The following EML4 variants were observed in gnomAD, a reference collection of about 807,000 sequenced individuals.
EML4 encodes EMAP like 4.
Under a neutral mutation model 129.0 loss-of-function variants are expected in EML4, and 72 were observed. That is an observed-to-expected ratio of 0.56 (90% CI 0.46 to 0.68). EML4 has a LOEUF of 0.68. Among genes scored for constraint, EML4 ranks in the 30% least tolerant of loss-of-function variants. The pLI is 0.00. For missense variants in EML4, 1,363 were observed against 1,190.6 expected (o/e 1.14, Z -2.13); for synonymous variants, 532 against 405.0 (o/e 1.31, Z -3.77).
chr2:42,230,121 A>G (rs1173067503), intron 1 of EML4, among the ~76,000 whole-genome samples: 2 of 152,170 alleles, frequency 1.3e-5, no homozygotes, highest in African/African-American at 2.4e-5. Flanking sequence ...CACCAAACTA[A>G]TAAGTGTCTT....
chr2:42,323,953 AAAAAG>A (rs909851466), intron 19 of EML4, among the ~76,000 whole-genome samples: 21 of 150,258 alleles, frequency 1.4e-4, no homozygotes, highest in Middle Eastern at 3.4e-3. Context: ...CAATTAAAAA[AAAAAG>A]AAAAGAAAAA....
chr2:42,304,686 G>T, intron 17 of EML4, 135 bp downstream of exon 17: 1 of 696,702 alleles, frequency 1.4e-6, no homozygotes, highest in South Asian at 1.8e-5. Context: ...TATCCGTTTT[G>T]TATATTCATA....
At chr2:42,281,428 A>G (rs1667003247) in intron 7 of EML4, among the ~76,000 whole-genome samples, 1 of 151,830 alleles carries the variant, frequency 6.6e-6, no homozygotes. Context: ...CATTATCTCT[A>G]ATTCTTTGCT....
chr2:42,284,234 A>G (rs1335034262), intron 8 of EML4, among the ~76,000 whole-genome samples: 1 of 152,228 alleles, frequency 6.6e-6, no homozygotes, highest in Non-Finnish European at 1.5e-5. Context: ...ATGTATGAGG[A>G]TTATGTAGCA....
Position 42,257,005 on chromosome 2 carries a change from C to T in EML4, c.338+375C>T, listed in dbSNP as rs1408086894. ...ATTTTTAAAGGCAAAACAGAATCTT[C>T]GATATATCTATGTTAGTGGGAGGTC... On this transcript the variant is annotated intron_variant, in intron 3 of 22. Transcript: ENST00000318522. Among the ~76,000 whole-genome samples the T allele has an allele frequency of 5.3e-5, 8 of 152,112 alleles. No homozygotes were observed. The South Asian group carries it at 6.2e-4, about 12-fold the overall frequency.
intron 1 of EML4, among the ~76,000 whole-genome samples, chr2:42,198,855 C>G (rs528100306): frequency 6.6e-6 from 1 of 152,330 alleles, no homozygotes; most frequent in South Asian, 2.1e-4. Flanking sequence ...GTGTCTCTCT[C>G]TGCAGTACCC....
At chr2:42,282,504 C>T (rs757773982) in intron 7 of EML4, among the ~76,000 whole-genome samples, 8 of 152,066 alleles carry the variant, frequency 5.3e-5, no homozygotes, top group Non-Finnish European at 1.2e-4. Context: ...AGTGATTCTC[C>T]CACCTCAGAC....
At chr2:42,181,257 G>A (rs1160710365) in intron 1 of EML4, among the ~76,000 whole-genome samples, 1 of 151,940 alleles carries the variant, frequency 6.6e-6, no homozygotes, top group Non-Finnish European at 1.5e-5. Flanking sequence ...TCAGTTTATT[G>A]GTTTATATCT....
intron 1 of EML4, among the ~76,000 whole-genome samples, chr2:42,229,989 C>T (rs552281013): frequency 7.7e-4 from 117 of 151,830 alleles, no homozygotes; most frequent in Non-Finnish European, 1.4e-3. Flanking sequence ...AGAGAGATAC[C>T]GATCTTTTCT....
At chr2:42,211,684 A>G (rs1460143677) in intron 1 of EML4, among the ~76,000 whole-genome samples, 1 of 152,114 alleles carries the variant, frequency 6.6e-6, no homozygotes, top group Admixed American at 6.5e-5. Flanking sequence ...AAACAGTGAC[A>G]TTTAAGTTGG....
chr2:42,303,249 C>T lies in EML4; in HGVS notation c.1767+20C>T, dbSNP rs776329244. The T allele has an allele frequency of 2.4e-5, 39 of 1,613,870 alleles. 1 individual carries two copies. The South Asian group carries it at 3.2e-4, about 13-fold the overall frequency. ...GTACAGGTAAGCTGTGTGATATTAA[C>T]CGTTAACTGAATATTTTTTATGATA... On this transcript the variant is annotated intron_variant, in intron 15 of 22. Coordinates refer to ENST00000318522, the MANE Select transcript of EML4 (RefSeq NM_019063.5).
intron 1 of EML4, among the ~76,000 whole-genome samples, chr2:42,229,528 TAA>T (rs1674187243): frequency 6.6e-6 from 1 of 152,068 alleles, no homozygotes; most frequent in Non-Finnish European, 1.5e-5. Flanking sequence ...GCAAGACAGA[TAA>T]CTGTCTTGCA....
chr2:42,328,948 A>G lies in EML4; in HGVS notation c.2404A>G (p.Lys802Glu), dbSNP rs762332423. The G allele has an allele frequency of 6.9e-5, 112 of 1,613,430 alleles. No individual in the cohort carries two copies. The highest frequency in any genetic ancestry group is 8.4e-5 in the Non-Finnish European group (99 of 1,179,784). ...INALVRSHNR[K>E]VIAVADDFCK... The stretch of plus-strand genomic sequence containing the variant: ...TGCACTGGTGCGATCCCACAATAGA[A>G]AGGTGATAGCTGTTGCCGATGACTT... The change falls in exon 22 of 23, where the codon AAG becomes GAG. Residue 802 changes from lysine (K) to glutamate (E), a missense_variant. Lys to Glu is a moderately conservative substitution (Grantham distance 56). Coordinates refer to ENST00000318522, the MANE Select transcript of EML4 (RefSeq NM_019063.5).
intron 19 of EML4, 134 bp from the exon 20 acceptor site, chr2:42,325,333 G>A (rs189111048): frequency 6.5e-6 from 4 of 619,152 alleles, no homozygotes; most frequent in African/African-American, 3.6e-5. Context: ...CTCAGTTTTA[G>A]AGGGTGTGAC....
chr2:42,296,575 A>C (rs941541741), intron 13 of EML4, among the ~76,000 whole-genome samples: 1 of 152,120 alleles, frequency 6.6e-6, no homozygotes. Flanking sequence ...GTGCTCAGAA[A>C]GACCCGATTT....
chr2:42,175,601 C>T (rs1175367757), intron 1 of EML4, among the ~76,000 whole-genome samples: 4 of 151,650 alleles, frequency 2.6e-5, no homozygotes, highest in Admixed American at 1.3e-4. Flanking sequence ...TGGATTCAAG[C>T]GATTCTTGTG....
At chr2:42,275,920 G>A (rs1336312097) in intron 6 of EML4, among the ~76,000 whole-genome samples, 2 of 152,074 alleles carry the variant, frequency 1.3e-5, no homozygotes, top group African/African-American at 4.8e-5. Context: ...ATTCTGCTTT[G>A]ATCAGTCCCA....
rs1238395900 is a variant in EML4 at position 42,263,429 on chromosome 2, A to G, written c.641+123A>G. 4 of 887,954 alleles carry G rather than the reference A, an allele frequency of 4.5e-6. No homozygotes were observed. In the South Asian group the frequency reaches 5.4e-5, roughly 12 times the overall value. The allele number at this position is 887,954 out of a possible 1,614,324, so 55.0% of individuals were successfully genotyped here. A position where few individuals can be genotyped will look rare whatever the true frequency, so the allele number is the denominator to read the frequency against. On this transcript the variant is annotated intron_variant, in intron 5 of 22. Coordinates refer to ENST00000318522, the MANE Select transcript of EML4 (RefSeq NM_019063.5). ...TTTTTTTTTTTTTTTTTTTTGTGAC[A>G]GAGTCTTGCTCTGTCGCCAGGCTGG...
intron 1 of EML4, chr2:42,170,135 G>T (rs892871806): frequency 6.5e-6 from 1 of 153,358 alleles, no homozygotes; most frequent in Non-Finnish European, 1.5e-5. Context: ...CAGGAAGGGG[G>T]CATCCCCCGC....
Sources: gnomAD v4.1 joint callset for allele counts (sites outside exome capture counted in the v4.1 genomes callset) on GRCh38, gnomAD v4.1.1 for gene constraint, MANE v1.5 for transcripts, NCBI Gene and HGNC (gene_info 2026-07-23, HGNC 2026-07-21) for gene names.